Variants in KIRREL3 observed in about 807,000 individuals in gnomAD.
The protein encoded by KIRREL3 is kirre like nephrin family adhesion molecule 3, also known as kin of IRRE-like protein 3.
In KIRREL3, 36 loss-of-function variants were observed where a neutral mutation model predicts 89.7. That is an observed-to-expected ratio of 0.40 (90% CI 0.31 to 0.53). KIRREL3 has a LOEUF of 0.53. Ranked by LOEUF, KIRREL3 falls within the 20% of genes least tolerant of loss-of-function variation. The probability of loss-of-function intolerance (pLI) is 0.49; values close to 1 mark genes in which losing one functional copy is unlikely to be tolerated. For missense variants in KIRREL3, 864 were observed against 1,056.6 expected (o/e 0.82, Z 2.53); for synonymous variants, 445 against 441.4 (o/e 1.01, Z -0.10).
intron 1 of KIRREL3, among the ~76,000 whole-genome samples, chr11:126,975,376 A>G (rs1949537446): frequency 6.6e-6 from 1 of 152,132 alleles, no homozygotes; most frequent in Non-Finnish European, 1.5e-5. Flanking sequence ...CATGTTCACA[A>G]AGCTTTCATT....
chr11:126,974,816 C>T (rs1443479721), intron 1 of KIRREL3, among the ~76,000 whole-genome samples: 1 of 152,120 alleles, frequency 6.6e-6, no homozygotes, highest in Non-Finnish European at 1.5e-5. Flanking sequence ...AGTCTTCCTC[C>T]CACCTCAGCC....
chr11:126,942,984 A>G (rs1948504581), intron 1 of KIRREL3, among the ~76,000 whole-genome samples: 1 of 152,214 alleles, frequency 6.6e-6, no homozygotes, highest in Admixed American at 6.5e-5. Flanking sequence ...TGTCATATTA[A>G]GGAGGCTATA....
chr11:126,729,580 G>A lies in KIRREL3; in HGVS notation c.56-166668C>T, dbSNP rs554348760. Among the ~76,000 whole-genome samples the A allele has an allele frequency of 2.0e-5, 3 of 152,304 alleles. No homozygotes were observed. The East Asian group carries it at 5.8e-4, about 29-fold the overall frequency. On this transcript the variant is annotated intron_variant, in intron 1 of 16. Transcript: ENST00000525144. The surrounding 1 kb of genome is among the most constrained non-coding windows in gnomAD (Gnocchi z 4.5). ...GTCCCTGTAAACAATGAGGCTGGAA[G>A]GCAAGAAAGGAGCAGCTCCCTGGCA...
intron 1 of KIRREL3, among the ~76,000 whole-genome samples, chr11:126,585,642 G>C (rs1941801838): frequency 6.6e-6 from 1 of 152,244 alleles, no homozygotes; most frequent in Non-Finnish European, 1.5e-5. Context: ...TAGGAAAACT[G>C]CTTAGGGTTC....
intron 1 of KIRREL3, among the ~76,000 whole-genome samples, chr11:126,654,437 C>A (rs966980051): frequency 1.3e-5 from 2 of 151,290 alleles, no homozygotes; most frequent in African/African-American, 2.4e-5. Flanking sequence ...GCATCTGCCT[C>A]TGAAATGTTG....
In KIRREL3 at chr11:126,448,295, A is replaced by G. The variant is rs560539455; in HGVS notation, c.997+714T>C. ...AGACTGTCTCAAAAAAAAAAAAAAA[A>G]AAAAAAGAAATAAAAAGAAAAAGAA... On this transcript the variant is annotated intron_variant, in intron 8 of 16. Transcript: ENST00000525144. 4.6e-5 allele frequency among the ~76,000 whole-genome samples: 7 copies of G among 151,578 alleles called. No individual in the cohort carries two copies. In the South Asian group the frequency reaches 1.5e-3, roughly 32 times the overall value.
chr11:126,628,900 C>T lies in KIRREL3; in HGVS notation c.56-65988G>A, dbSNP rs1943903152. Among the ~76,000 whole-genome samples, 1 of 152,226 alleles carries T rather than the reference C, an allele frequency of 6.6e-6. No individual in the cohort carries two copies. The highest frequency in any genetic ancestry group is 2.1e-4 in the South Asian group (1 of 4,828). ...CATCTGACAGCACAGGGAGGCAGGG[C>T]TTCCCCAGCCCAGCAGAGGCACCAA... On this transcript the variant is annotated intron_variant, in intron 1 of 16. Transcript: ENST00000525144. The surrounding 1 kb of genome is among the most constrained non-coding windows in gnomAD (Gnocchi z 5.2).
In KIRREL3 at chr11:126,976,078, T is replaced by TA. The variant is rs1441741337; in HGVS notation, c.55+24376dup. 2.2e-4 allele frequency among the ~76,000 whole-genome samples: 33 copies of TA among 152,016 alleles called. No individual in the cohort carries two copies. In the East Asian group the frequency reaches 3.3e-3, roughly 15 times the overall value. On this transcript the variant is annotated intron_variant, in intron 1 of 16. Coordinates refer to ENST00000525144, the MANE Select transcript of KIRREL3 (RefSeq NM_032531.4). This position sits in a 1 kb window ranked among gnomAD's most constrained non-coding sequence, Gnocchi z 4.2. ...TCAGCAGAGGGTGCCATGGGGGTGT[T>TA]AGCATCTTCCAGATGAACACATCGC...
chr11:126,488,818 T>C (rs932010982), intron 4 of KIRREL3, among the ~76,000 whole-genome samples: 4 of 152,164 alleles, frequency 2.6e-5, no homozygotes, highest in Non-Finnish European at 4.4e-5. Flanking sequence ...AATCAAGTTG[T>C]CCCTCTGCTT....
chr11:126,445,179 TGA>T (rs1955743489), intron 9 of KIRREL3, 74 bp from the exon 10 acceptor site: 1 of 1,566,310 alleles, frequency 6.4e-7, no homozygotes, highest in African/African-American at 1.3e-5. Flanking sequence ...ACAAGGCAGC[TGA>T]GAGGCTGGCC....
rs1206748831 is a variant in KIRREL3 at position 126,555,039 on chromosome 11, T to C, written c.133+7796A>G. Among the ~76,000 whole-genome samples the C allele has an allele frequency of 6.6e-6, 1 of 152,112 alleles. No homozygotes were observed. The highest frequency in any genetic ancestry group is 1.5e-5 in the Non-Finnish European group (1 of 68,016). Reference sequence around the variant, plus strand: ...CTCATTCCGCCAAGAGCCCCTTCCATCTCCCAATAAAATCCTCCGCATACA... The same window carrying C: ...CTCATTCCGCCAAGAGCCCCTTCCACCTCCCAATAAAATCCTCCGCATACA... On this transcript the variant is annotated intron_variant, in intron 2 of 16. Coordinates refer to ENST00000525144, the MANE Select transcript of KIRREL3 (RefSeq NM_032531.4). This position sits in a 1 kb window ranked among gnomAD's most constrained non-coding sequence, Gnocchi z 4.2.
Position 126,807,921 on chromosome 11 carries a change from G to A in KIRREL3, c.55+192534C>T, listed in dbSNP as rs1030886541. ...AAGTTGTGTGACTAATATGCCCAAG[G>A]CCATGGGCTGCAACCTTTTTATCTG... is the stretch of plus-strand genomic sequence containing the variant. On this transcript the variant is annotated intron_variant, in intron 1 of 16. Transcript: ENST00000525144. This position sits in a 1 kb window ranked among gnomAD's most constrained non-coding sequence, Gnocchi z 4.3. Among the ~76,000 whole-genome samples the A allele has an allele frequency of 6.6e-6, 1 of 152,208 alleles. No homozygotes were observed. Among genetic ancestry groups the A allele is most frequent in the Non-Finnish European group, 1.5e-5 (1 of 68,032 alleles).
chr11:126,529,402 G>T lies in KIRREL3; in HGVS notation c.134-2715C>A, dbSNP rs571975991. 2.0e-5 allele frequency among the ~76,000 whole-genome samples: 3 copies of T among 152,246 alleles called. No individual in the cohort carries two copies. In the South Asian group the frequency reaches 6.2e-4, roughly 32 times the overall value. On this transcript the variant is annotated intron_variant, in intron 2 of 16. Transcript: ENST00000525144. ...GTCTCAGAGCCAGGGGTGGCAGCAG[G>T]CACAAGATGCCTGGAATAAGACCTG...
At position 126,684,942 on chromosome 11, in the gene KIRREL3, T is replaced by C. The variant is rs563051898; in HGVS notation, c.56-122030A>G. On this transcript the variant is annotated intron_variant, in intron 1 of 16. Coordinates refer to ENST00000525144, the MANE Select transcript of KIRREL3 (RefSeq NM_032531.4). This position sits in a 1 kb window ranked among gnomAD's most constrained non-coding sequence, Gnocchi z 4.2. ...TCTTTGTCCTTGTCTCCCCCCTCCC[T>C]TTTGTCCTCTTCTCTCTTCCTCTCT... Among the ~76,000 whole-genome samples the C allele has an allele frequency of 6.6e-6, 1 of 152,204 alleles. No homozygotes were observed. Among genetic ancestry groups the C allele is most frequent in the South Asian group, 2.1e-4 (1 of 4,822 alleles).
rs541071858 is a variant in KIRREL3, at chr11:126,635,223, A to G, written c.56-72311T>C. Among the ~76,000 whole-genome samples, 2 of 152,300 alleles carry G rather than the reference A, an allele frequency of 1.3e-5. No individual in the cohort carries two copies. The highest frequency in any genetic ancestry group is 2.4e-5 in the African/African-American group (1 of 41,574). On this transcript the variant is annotated intron_variant, in intron 1 of 16. Transcript: ENST00000525144. This position sits in a 1 kb window ranked among gnomAD's most constrained non-coding sequence, Gnocchi z 4.0. ...AGCAAGTGTGGGCATTGCTTACTGC[A>G]GAGAGGCTTCCCTTCTAAATCCACT...
In KIRREL3 at chr11:126,900,224, C is replaced by T. The variant is rs1038084504; in HGVS notation, c.55+100231G>A. Among the ~76,000 whole-genome samples, 9 of 152,164 alleles carry T rather than the reference C, an allele frequency of 5.9e-5. No homozygotes were observed. Among genetic ancestry groups the T allele is most frequent in the East Asian group, 1.9e-4 (1 of 5,178 alleles). On this transcript the variant is annotated intron_variant, in intron 1 of 16. Transcript: ENST00000525144. The surrounding 1 kb of genome is among the most constrained non-coding windows in gnomAD (Gnocchi z 4.4). Reference sequence around the variant, plus strand: ...AGCAAGTCACCTACTACTAGAACATCGGCCCTTCAGTTTTGGATCACTTGA... The same window carrying T: ...AGCAAGTCACCTACTACTAGAACATTGGCCCTTCAGTTTTGGATCACTTGA...
intron 1 of KIRREL3, among the ~76,000 whole-genome samples, chr11:126,964,349 T>A (rs1253670421): frequency 6.6e-6 from 1 of 152,218 alleles, no homozygotes; most frequent in African/African-American, 2.4e-5. Context: ...ACAGGCTGGG[T>A]GGCATGTGGG....
chr11:126,725,480 C>G (rs1368534955), intron 1 of KIRREL3, among the ~76,000 whole-genome samples: 1 of 152,238 alleles, frequency 6.6e-6, no homozygotes, highest in Non-Finnish European at 1.5e-5. Flanking sequence ...CTCCATACAT[C>G]TCATTGTTGC....
In KIRREL3 at chr11:126,489,588, G is replaced by A. The variant is rs1316241899; in HGVS notation, c.434-16122C>T. Among the ~76,000 whole-genome samples the A allele has an allele frequency of 1.3e-5, 2 of 152,176 alleles. No individual in the cohort carries two copies. The highest frequency in any genetic ancestry group is 2.9e-5 in the Non-Finnish European group (2 of 68,040). ...CATAAGGGCATTGCTGGATGCAGATGTGTGAATCACCATAAGTTTGGACCC... is the reference window on the plus strand; with the variant it reads ...CATAAGGGCATTGCTGGATGCAGATATGTGAATCACCATAAGTTTGGACCC... On this transcript the variant is annotated intron_variant, in intron 4 of 16. Transcript: ENST00000525144. The surrounding 1 kb of genome is among the most constrained non-coding windows in gnomAD (Gnocchi z 5.5).
Sources: gnomAD v4.1 joint callset for allele counts (sites outside exome capture counted in the v4.1 genomes callset) on GRCh38, gnomAD v4.1.1 for gene constraint, Gnocchi (gnomAD v3.1) non-coding constraint, MANE v1.5 for transcripts, NCBI Gene and HGNC (gene_info 2026-07-23, HGNC 2026-07-21) for gene names.